Variants in IL1RAPL2 observed in about 807,000 individuals in gnomAD.
The protein encoded by IL1RAPL2 is interleukin 1 receptor accessory protein like 2, also known as X-linked interleukin-1 receptor accessory protein-like 2.
Under a neutral mutation model 44.1 loss-of-function variants are expected in IL1RAPL2, and 3 were observed. That is an observed-to-expected ratio of 0.07 (90% CI 0.03 to 0.18). The LOEUF (loss-of-function observed/expected upper bound fraction) is 0.18. IL1RAPL2 is among the 10% of genes least tolerant of loss of function. IL1RAPL2 has a pLI of 1.00. For synonymous variants in IL1RAPL2, 181 were observed against 178.8 expected (o/e 1.01, Z -0.10); for missense variants, 391 against 496.4 (o/e 0.79, Z 2.02).
At chrX:105,281,956 A>T (rs954260426) in intron 5 of IL1RAPL2, among the ~76,000 whole-genome samples, 1 of 110,917 alleles carries the variant, frequency 9.0e-6, no homozygotes, top group African/African-American at 3.3e-5. Flanking sequence ...GCTGTTGTTA[A>T]TAGGGTGCTT....
chrX:104,849,049 C>T (rs1022815905), intron 2 of IL1RAPL2, among the ~76,000 whole-genome samples: 1 of 108,966 alleles, frequency 9.2e-6, no homozygotes, highest in African/African-American at 3.3e-5. Flanking sequence ...AGTCTGTTAC[C>T]CAGGCTGGAG....
At chrX:104,636,250 C>T (rs969783327) in intron 1 of IL1RAPL2, among the ~76,000 whole-genome samples, 5 of 111,920 alleles carry the variant, frequency 4.5e-5, no homozygotes. Context: ...TCAGTCTGCC[C>T]CTACTGGAGG....
intron 2 of IL1RAPL2, among the ~76,000 whole-genome samples, chrX:104,936,401 C>CT (rs1925027704): frequency 9.0e-6 from 1 of 110,978 alleles, no homozygotes; most frequent in Non-Finnish European, 1.9e-5. Flanking sequence ...TGGGTCCAAC[C>CT]TAAAGTGTAT....
chrX:105,553,311 C>A (rs928581339), intron 6 of IL1RAPL2, among the ~76,000 whole-genome samples: 2 of 111,632 alleles, frequency 1.8e-5, no homozygotes, highest in East Asian at 5.6e-4. Context: ...ATATTAGGCC[C>A]CAGAAACCAC....
At chrX:104,929,121 C>T (rs1019992564) in intron 2 of IL1RAPL2, among the ~76,000 whole-genome samples, 3 of 111,189 alleles carry the variant, frequency 2.7e-5, no homozygotes, top group Non-Finnish European at 5.7e-5. Context: ...GCACCTTGTT[C>T]CTCTGACCCC....
At chrX:104,698,911 T>C (rs1043570160) in intron 2 of IL1RAPL2, among the ~76,000 whole-genome samples, 16 of 111,571 alleles carry the variant, frequency 1.4e-4, no homozygotes, top group African/African-American at 5.2e-4. Flanking sequence ...GACTACAAAA[T>C]AGAATGACTT....
At chrX:105,580,166 T>C (rs2037078806) in intron 6 of IL1RAPL2, among the ~76,000 whole-genome samples, 1 of 111,666 alleles carries the variant, frequency 9.0e-6, no homozygotes, top group Non-Finnish European at 1.9e-5. Context: ...AATCATCTTG[T>C]GTGCTTTCCT....
intron 2 of IL1RAPL2, among the ~76,000 whole-genome samples, chrX:105,092,366 C>T (rs1257348713): frequency 9.0e-6 from 1 of 111,264 alleles, no homozygotes; most frequent in Admixed American, 9.6e-5. Context: ...TTAAAATCAA[C>T]CAAGGGAAGA....
chrX:105,411,269 A>T (rs2035693751), intron 5 of IL1RAPL2, among the ~76,000 whole-genome samples: 1 of 111,814 alleles, frequency 8.9e-6, no homozygotes, highest in African/African-American at 3.2e-5. Context: ...GATCTATAAA[A>T]CAACCAGAAA....
At chrX:104,949,037 C>T (rs912924782) in intron 2 of IL1RAPL2, among the ~76,000 whole-genome samples, 1 of 110,201 alleles carries the variant, frequency 9.1e-6, no homozygotes, top group African/African-American at 3.3e-5. Context: ...AGCTGTGAAT[C>T]CATCTCGTCC....
intron 6 of IL1RAPL2, among the ~76,000 whole-genome samples, chrX:105,493,126 G>A (rs753024151): frequency 6.2e-4 from 69 of 112,158 alleles, no homozygotes; most frequent in Non-Finnish European, 1.0e-3. Context: ...CCTTTTCATT[G>A]CTAAATAATA....
chrX:105,164,793 A>G (rs753582280), intron 2 of IL1RAPL2, among the ~76,000 whole-genome samples: 65 of 111,920 alleles, frequency 5.8e-4, no homozygotes, highest in African/African-American at 1.9e-3. Context: ...CTCTGCCTTT[A>G]TTTCACCATC....
At chrX:105,574,771 T>TA (rs1341745275) in intron 6 of IL1RAPL2, among the ~76,000 whole-genome samples, 3 of 111,308 alleles carry the variant, frequency 2.7e-5, no homozygotes, top group African/African-American at 9.8e-5. Context: ...ATAATAGTGT[T>TA]ACGTAGACTT....
chrX:105,743,960 A>G (rs900293802), intron 8 of IL1RAPL2, among the ~76,000 whole-genome samples: 2 of 111,943 alleles, frequency 1.8e-5, no homozygotes, highest in Non-Finnish European at 3.8e-5. Flanking sequence ...CCAGGAAAAT[A>G]CTGAATTTTT....
intron 6 of IL1RAPL2, among the ~76,000 whole-genome samples, chrX:105,524,258 C>T (rs1319985767): frequency 2.7e-5 from 3 of 111,162 alleles, no homozygotes; most frequent in Non-Finnish European, 5.7e-5. Flanking sequence ...TCATTCATTT[C>T]CCACCATTTG....
At chrX:104,855,680 C>CTTTTTTTTTT (rs1304044009) in intron 2 of IL1RAPL2, among the ~76,000 whole-genome samples, 4 of 53,778 alleles carry the variant, frequency 7.4e-5, no homozygotes, top group African/African-American at 2.5e-4. Context: ...GATCTGGATC[C>CTTTTTTTTTT]GTTTTTTTTT....
chrX:105,633,699 G>A (rs778039739), intron 6 of IL1RAPL2, among the ~76,000 whole-genome samples: 2 of 111,207 alleles, frequency 1.8e-5, no homozygotes, highest in East Asian at 5.7e-4. Flanking sequence ...CACCATTAAA[G>A]TTTTGATTAG....
At chrX:104,730,336 T>G (rs1323172520) in intron 2 of IL1RAPL2, among the ~76,000 whole-genome samples, 1 of 95,896 alleles carries the variant, frequency 1.0e-5, no homozygotes, top group Non-Finnish European at 2.2e-5. Flanking sequence ...ACTCGTCATT[T>G]AGCATTAGGT....
chrX:105,632,121 G>A, intron 6 of IL1RAPL2, among the ~76,000 whole-genome samples: 1 of 109,066 alleles, frequency 9.2e-6, no homozygotes, highest in South Asian at 4.0e-4. Context: ...TAACTCGGCT[G>A]ACAGCCACAA....
Sources: allele counts gnomAD v4.1 joint callset (sites outside exome capture counted in the v4.1 genomes callset), GRCh38; gene constraint gnomAD v4.1.1; transcripts MANE v1.5; gene names NCBI Gene and HGNC (gene_info 2026-07-23, HGNC 2026-07-21).